Variants in OVOL2 observed in about 807,000 individuals in gnomAD.
OVOL2 encodes ovo like zinc finger 2, also known as transcription factor Ovo-like 2.
A neutral mutation model predicts 18.1 loss-of-function variants in OVOL2; 13 were observed. The observed-to-expected ratio is 0.72, with a 90% CI of 0.47 to 1.14. The LOEUF is 1.14. Among genes scored for constraint, OVOL2 ranks in the 50% most tolerant of loss-of-function variants. OVOL2 has a pLI of 0.00. For synonymous variants in OVOL2, 166 were observed against 162.7 expected (o/e 1.02, Z -0.16); for missense variants, 335 against 383.0 (o/e 0.87, Z 1.05).
At chr20:18,028,304 G>A (rs1381761387) in intron 3 of OVOL2, among the ~76,000 whole-genome samples, 1 of 151,686 alleles carries the variant, frequency 6.6e-6, no homozygotes, top group East Asian at 2.0e-4. Flanking sequence ...AGCCTCCCAA[G>A]TAGCTGCGAC....
Position 18,056,630 on chromosome 20 carries a change from G to C in OVOL2, c.321+27C>G, listed in dbSNP as rs772430352. The C allele has an allele frequency of 3.6e-4, 499 of 1,374,302 alleles. 1 individual carries two copies. The highest frequency in any genetic ancestry group is 4.4e-4 in the Non-Finnish European group (470 of 1,062,496). 85.1% of individuals were successfully genotyped at this position (1,374,302 alleles called of 1,614,324 possible). A position where few individuals can be genotyped will look rare whatever the true frequency, so the allele number is the denominator to read the frequency against. ...CCGACGCCAGGGCGTGGTGCAGGTG[G>C]CGGCGGGGGCAGAGTCGACACAGTA... On this transcript the variant is annotated intron_variant, in intron 2 of 3. Coordinates refer to ENST00000278780, the MANE Select transcript of OVOL2 (RefSeq NM_021220.4). The surrounding 1 kb of genome is among the most constrained non-coding windows in gnomAD (Gnocchi z 4.2).
chr20:18,052,161 G>C (rs2036776750), intron 2 of OVOL2, among the ~76,000 whole-genome samples: 1 of 152,186 alleles, frequency 6.6e-6, no homozygotes, highest in Non-Finnish European at 1.5e-5. Context: ...TAGGCACATG[G>C]TGATGCGCTC....
intron 3 of OVOL2, among the ~76,000 whole-genome samples, chr20:18,025,798 C>A (rs2036508658): frequency 6.6e-6 from 1 of 152,240 alleles, no homozygotes; most frequent in Admixed American, 6.5e-5. Context: ...ACCTTGGCGT[C>A]ATCCCACCCC....
Position 18,037,108 on chromosome 20 carries a change from CCTGGGCGA to C in OVOL2, c.511+4418_511+4425del, listed in dbSNP as rs367625452. ...CCGAGATCGCGCCACCGCACTCCAG[CCTGGGCGA>C]CAGAGCGAGACTCCGTCTCAAAAAA... On this transcript the variant is annotated intron_variant, in intron 3 of 3. Coordinates refer to ENST00000278780, the MANE Select transcript of OVOL2 (RefSeq NM_021220.4). Among the ~76,000 whole-genome samples the C allele has an allele frequency of 3.3e-3, 478 of 146,258 alleles. 2 individuals carry two copies. The highest frequency in any genetic ancestry group is 0.011 in the African/African-American group (444 of 38,916).
In OVOL2 at chr20:18,057,798, C is replaced by G; in HGVS notation, c.-164G>C. The G allele has an allele frequency of 1.5e-6, 2 of 1,375,066 alleles. No homozygotes were observed. Among genetic ancestry groups the G allele is most frequent in the Non-Finnish European group, 1.9e-6 (2 of 1,071,618 alleles). 85.2% of individuals were successfully genotyped at this position (1,375,066 alleles called of 1,614,324 possible). A position where few individuals can be genotyped will look rare whatever the true frequency, so the allele number is the denominator to read the frequency against. ...CCGCGGCGCGGCCCAGGCCTCTCCC[C>G]CGCACGCCTGGCGACTCCCAGCCTC... On this transcript the variant is annotated 5_prime_UTR_variant, in exon 1 of 4. Coordinates refer to ENST00000278780, the MANE Select transcript of OVOL2 (RefSeq NM_021220.4). The surrounding 1 kb of genome is among the most constrained non-coding windows in gnomAD (Gnocchi z 6.3).
At position 18,024,363 on chromosome 20, in the gene OVOL2, TC is replaced by T; in HGVS notation, c.*272del. On this transcript the variant is annotated 3_prime_UTR_variant, in exon 4 of 4. Coordinates refer to ENST00000278780, the MANE Select transcript of OVOL2 (RefSeq NM_021220.4). ...TGAAAATCCTTGGGGGAAAAAAAAA[TC>T]CCACACGGTGTTCTTGGCCATCAGG... The T allele has an allele frequency of 2.4e-6, 1 of 425,284 alleles. No individual in the cohort carries two copies. Among genetic ancestry groups the T allele is most frequent in the Non-Finnish European group, 3.8e-6 (1 of 260,292 alleles). The allele number at this position is 425,284 out of a possible 1,614,324, so 26.3% of individuals were successfully genotyped here.
Position 18,057,608 on chromosome 20 carries a change from C to A in OVOL2, c.27G>T (p.Arg9Ser). ...TGCGGACCGAGACCCCCAGGCTCCTCCTCTTCACCAGGAAGACTTTGGGCA... is the reference window on the plus strand; with the variant it reads ...TGCGGACCGAGACCCCCAGGCTCCTACTCTTCACCAGGAAGACTTTGGGCA... Reference protein sequence around the residue: MPKVFLVKRRSLGVSVRSW... With the variant: MPKVFLVKSRSLGVSVRSW... The change falls in exon 1 of 4, where the codon AGG (arginine) becomes AGT (serine). Residue 9 changes from arginine (R) to serine (S), a missense_variant. Coordinates refer to ENST00000278780, the MANE Select transcript of OVOL2 (RefSeq NM_021220.4). This position sits in a 1 kb window ranked among gnomAD's most constrained non-coding sequence, Gnocchi z 6.3. The A allele has an allele frequency of 1.3e-6, 2 of 1,593,514 alleles. No individual in the cohort carries two copies. The highest frequency in any genetic ancestry group is 8.5e-7 in the Non-Finnish European group (1 of 1,169,666).
chr20:18,055,735 G>A (rs1344608295), intron 2 of OVOL2, among the ~76,000 whole-genome samples: 1 of 152,204 alleles, frequency 6.6e-6, no homozygotes, highest in Non-Finnish European at 1.5e-5. Context: ...GAGGGCACCG[G>A]AGAGCCCTGG....
At chr20:18,039,292 T>C (rs2122706401) in intron 3 of OVOL2, among the ~76,000 whole-genome samples, 1 of 152,310 alleles carries the variant, frequency 6.6e-6, no homozygotes, top group South Asian at 2.1e-4. Flanking sequence ...TGCACTTTTC[T>C]AGATGTATGT....
At chr20:18,029,625 G>A (rs1470521439) in intron 3 of OVOL2, among the ~76,000 whole-genome samples, 2 of 151,928 alleles carry the variant, frequency 1.3e-5, no homozygotes, top group South Asian at 2.1e-4. Context: ...AATAATTTTC[G>A]TACTAACTGT....
At chr20:18,048,117 T>C (rs1424047076) in intron 2 of OVOL2, among the ~76,000 whole-genome samples, 3 of 149,770 alleles carry the variant, frequency 2.0e-5, no homozygotes, top group Non-Finnish European at 4.5e-5. Flanking sequence ...TGAAACTCCA[T>C]CTCTACTAAA....
rs111486319 is a variant in OVOL2, at chr20:18,027,528, C to CA, written c.512-2577dup. Among the ~76,000 whole-genome samples, 102 of 142,756 alleles carry CA rather than the reference C, an allele frequency of 7.1e-4. 2 individuals are homozygous for CA. The highest frequency in any genetic ancestry group is 3.5e-3 in the Middle Eastern group (1 of 286). 93.7% of individuals were successfully genotyped at this position (142,756 alleles called of 152,430 possible). A position where few individuals can be genotyped will look rare whatever the true frequency, so the allele number is the denominator to read the frequency against. Reference sequence around the variant, plus strand: ...GCGCAACAGAGCGCGACTCCGTCTCCAAAAAAAAAAAAAATAAGTAAATAA... The same window carrying CA: ...GCGCAACAGAGCGCGACTCCGTCTCCAAAAAAAAAAAAAAATAAGTAAATAA... On this transcript the variant is annotated intron_variant, in intron 3 of 3. Coordinates refer to ENST00000278780, the MANE Select transcript of OVOL2 (RefSeq NM_021220.4).
Sources: allele counts gnomAD v4.1 joint callset (sites outside exome capture counted in the v4.1 genomes callset), GRCh38; gene constraint gnomAD v4.1.1; non-coding constraint Gnocchi (gnomAD v3.1); transcripts MANE v1.5; gene names NCBI Gene and HGNC (gene_info 2026-07-23, HGNC 2026-07-21).